Variants in RBBP4 observed in about 807,000 individuals in gnomAD.
RBBP4 encodes histone-binding protein RBBP4.
In RBBP4, 3 loss-of-function variants were observed where a neutral mutation model predicts 57.2. That is an observed-to-expected ratio of 0.05 (90% CI 0.02 to 0.14). The LOEUF (loss-of-function observed/expected upper bound fraction) is 0.14, where lower values mean the gene tolerates loss of function less well. Among genes scored for constraint, RBBP4 ranks in the 10% least tolerant of loss-of-function variants. The pLI, the probability that RBBP4 is intolerant of heterozygous loss-of-function variation, is 1.00. For synonymous variants in RBBP4, 151 were observed against 171.5 expected (o/e 0.88, Z 0.93); for missense variants, 107 against 520.6 (o/e 0.21, Z 7.73).
Position 32,653,637 on chromosome 1 carries a change from G to GTTTTTTTTGTTTTTTTTTTTTTTT in RBBP4, c.164+1584_164+1585insGTTTTTTTTTTTTTTTTTTTTTTT, listed in dbSNP as rs1557849770. 1.1e-3 allele frequency among the ~76,000 whole-genome samples: 23 copies of GTTTTTTTTGTTTTTTTTTTTTTTT among 20,782 alleles called. 6 individuals carry two copies. The highest frequency in any genetic ancestry group is 5.0e-3 in the South Asian group (1 of 200). 13.6% of individuals were successfully genotyped at this position (20,782 alleles called of 152,430 possible). On this transcript the variant is annotated intron_variant, in intron 2 of 11. Coordinates refer to ENST00000373493, the MANE Select transcript of RBBP4 (RefSeq NM_005610.3). ...TGCTTTGTGTGTTTTTTGTTTTCTG[G>GTTTTTTTTGTTTTTTTTTTTTTTT]TTTTTTTTTTTTTTTTTTTTTTGTT...
At chr1:32,663,647 G>A (rs968314744) in intron 3 of RBBP4, among the ~76,000 whole-genome samples, 31 of 151,606 alleles carry the variant, frequency 2.0e-4, no homozygotes, top group African/African-American at 7.5e-4. Context: ...CATGATCTCC[G>A]CTTACTGCAA....
intron 1 of RBBP4, chr1:32,651,667 G>A: frequency 1.4e-6 from 1 of 732,640 alleles, no homozygotes; most frequent in Non-Finnish European, 2.1e-6. Flanking sequence ...GAGTTTCGGC[G>A]CGCACGAGCG....
rs949552440 is a variant in RBBP4, at chr1:32,651,286, C to G, written c.-21C>G. On this transcript the variant is annotated 5_prime_UTR_variant, in exon 1 of 12. Coordinates refer to ENST00000373493, the MANE Select transcript of RBBP4 (RefSeq NM_005610.3). The stretch of plus-strand genomic sequence containing the variant: ...TCCCGCAACGCTCGACCCCAGGATT[C>G]CCCCGGCTCGCCTGCCCGCCATGGC... 8 of 1,488,420 alleles carry G rather than the reference C, an allele frequency of 5.4e-6. No homozygotes were observed. The Admixed American group carries it at 7.3e-5, about 14-fold the overall frequency. The allele number at this position is 1,488,420 out of a possible 1,614,324, so 92.2% of individuals were successfully genotyped here. A position where few individuals can be genotyped will look rare whatever the true frequency, so the allele number is the denominator to read the frequency against.
chr1:32,671,939 T>G (rs1243702999), intron 8 of RBBP4, among the ~76,000 whole-genome samples: 1 of 152,056 alleles, frequency 6.6e-6, no homozygotes, highest in Non-Finnish European at 1.5e-5. Flanking sequence ...GAACAAAAGC[T>G]TATATCCTGG....
At chr1:32,674,249 T>C (rs111445351) in intron 11 of RBBP4, among the ~76,000 whole-genome samples, 1,540 of 152,186 alleles carry the variant, frequency 0.01, 25 homozygotes, top group African/African-American at 0.034. Flanking sequence ...AATTTGGAGG[T>C]GGAAGACAGT....
intron 1 of RBBP4, 67 bp from the exon 2 acceptor site, chr1:32,651,847 T>TTA: frequency 6.6e-7 from 1 of 1,512,610 alleles, no homozygotes; most frequent in Non-Finnish European, 9.0e-7. Flanking sequence ...GTCATGCAGG[T>TTA]GGCTTTGCAG....
Position 32,684,052 on chromosome 1 carries a change from C to T in RBBP4, c.*4347C>T, listed in dbSNP as rs750180835. ...ATTCCACCTGCCTGAGAAGTGGGAGCATCAGCCTGTTCCAGGCTCTTGGGT... is the reference window on the plus strand; with the variant it reads ...ATTCCACCTGCCTGAGAAGTGGGAGTATCAGCCTGTTCCAGGCTCTTGGGT... On this transcript the variant is annotated 3_prime_UTR_variant, in exon 12 of 12. Coordinates refer to ENST00000373493, the MANE Select transcript of RBBP4 (RefSeq NM_005610.3). 5.0e-6 allele frequency: 8 copies of T among 1,614,104 alleles called. No homozygotes were observed. The African/African-American group carries it at 1.1e-4, about 22-fold the overall frequency.
At position 32,681,880 on chromosome 1, in the gene RBBP4, A is replaced by T; in HGVS notation, c.*2175A>T. ...CAGCCCCTGTAAAGTTGAAAGAAAA[A>T]GTTTATAACAGTGAACTTCTGAGGT... is the stretch of plus-strand genomic sequence containing the variant. On this transcript the variant is annotated 3_prime_UTR_variant, in exon 12 of 12. Transcript: ENST00000373493. 1 of 1,608,506 alleles carries T rather than the reference A, an allele frequency of 6.2e-7. No individual in the cohort carries two copies. The highest frequency in any genetic ancestry group is 2.2e-5 in the East Asian group (1 of 44,844).
intron 2 of RBBP4, among the ~76,000 whole-genome samples, chr1:32,655,837 G>A (rs942056666): frequency 3.9e-5 from 6 of 152,182 alleles, no homozygotes; most frequent in South Asian, 4.1e-4. Flanking sequence ...TGGTTGTGTA[G>A]CATCTTTCCC....
chr1:32,652,138 C>T (rs1570821646), intron 2 of RBBP4, 77 bp downstream of exon 2: 2 of 1,486,350 alleles, frequency 1.3e-6, no homozygotes, highest in East Asian at 2.3e-5. Flanking sequence ...TTTTTCCGCT[C>T]TTCAGTCACC....
intron 3 of RBBP4, among the ~76,000 whole-genome samples, chr1:32,659,932 A>G (rs895972368): frequency 2.6e-5 from 4 of 152,210 alleles, no homozygotes; most frequent in African/African-American, 4.8e-5. Flanking sequence ...AAAGGGCAGG[A>G]CCGTTTTTTA....
In RBBP4 at chr1:32,684,333, A is replaced by C. The variant is rs1570894158; in HGVS notation, c.*4628A>C. 1 of 1,614,100 alleles carries C rather than the reference A, an allele frequency of 6.2e-7. No individual in the cohort carries two copies. Among genetic ancestry groups the C allele is most frequent in the Non-Finnish European group, 8.5e-7 (1 of 1,180,018 alleles). On this transcript the variant is annotated 3_prime_UTR_variant, in exon 12 of 12. Coordinates refer to ENST00000373493, the MANE Select transcript of RBBP4 (RefSeq NM_005610.3). ...TTTGTTCTTCTGTTGCTGGAGTTGC[A>C]CCCCATTTCTTAACTGCCTCTGGCG...
chr1:32,655,691 A>G (rs1033005578), intron 2 of RBBP4, among the ~76,000 whole-genome samples: 5 of 152,150 alleles, frequency 3.3e-5, no homozygotes, highest in African/African-American at 1.2e-4. Flanking sequence ...TGTAAATGGA[A>G]TTATTCCTTA....
In RBBP4 at chr1:32,683,119, A is replaced by G. The variant is rs1189076125; in HGVS notation, c.*3414A>G. 6.6e-6 allele frequency: 1 copy of G among 152,060 alleles called. No individual in the cohort carries two copies. Among genetic ancestry groups the G allele is most frequent in the Non-Finnish European group, 1.5e-5 (1 of 68,048 alleles). The allele number at this position is 152,060 out of a possible 1,614,324, so 9.4% of individuals were successfully genotyped here. On this transcript the variant is annotated 3_prime_UTR_variant, in exon 12 of 12. Transcript: ENST00000373493. ...AACATGGTGAAACCCCGTCTCTACT[A>G]AAATACAAAAAAATTAGCCAGGCGT...
At chr1:32,670,692 C>G (rs1019106440) in intron 8 of RBBP4, among the ~76,000 whole-genome samples, 1 of 152,166 alleles carries the variant, frequency 6.6e-6, no homozygotes, top group South Asian at 2.1e-4. Context: ...CCTGCCTCAG[C>G]CTCCCAAAGT....
intron 3 of RBBP4, among the ~76,000 whole-genome samples, chr1:32,665,096 GA>G (rs1477069157): frequency 6.6e-6 from 1 of 152,138 alleles, no homozygotes; most frequent in Non-Finnish European, 1.5e-5. Context: ...ACTTATGTGT[GA>G]CGCACAATAA....
At position 32,669,506 on chromosome 1, in the gene RBBP4, G is replaced by A. The variant is rs973949216; in HGVS notation, c.909G>A (p.Leu303=). ...CATAGACTGTTGCCTTGTGGGATCT[G>A]AGAAATCTGAAACTTAAGTTGCATT... is the stretch of plus-strand genomic sequence containing the variant. The part of the protein sequence containing the change: ...SADKTVALWD[L]RNLKLKLHSF... Residue 303 remains leucine (L), a synonymous_variant, in exon 8 of 12, where the codon CTG becomes CTA. Coordinates refer to ENST00000373493, the MANE Select transcript of RBBP4 (RefSeq NM_005610.3). This position sits in a 1 kb window ranked among gnomAD's most constrained non-coding sequence, Gnocchi z 4.9. 9 of 1,607,570 alleles carry A rather than the reference G, an allele frequency of 5.6e-6. No homozygotes were observed. In the Admixed American group the frequency reaches 1.4e-4, roughly 24 times the overall value.
At chr1:32,664,429 C>T (rs1421304971) in intron 3 of RBBP4, among the ~76,000 whole-genome samples, 1 of 151,984 alleles carries the variant, frequency 6.6e-6, no homozygotes, top group Non-Finnish European at 1.5e-5. Context: ...TGCCTCTTTT[C>T]TGGCAGCTAT....
intron 8 of RBBP4, among the ~76,000 whole-genome samples, chr1:32,671,873 A>T (rs966475988): frequency 1.3e-4 from 19 of 151,968 alleles, no homozygotes; most frequent in Admixed American, 7.9e-4. Context: ...AGCCTGGGTG[A>T]CAGAGCAAGA....
Sources: allele counts gnomAD v4.1 joint callset (sites outside exome capture counted in the v4.1 genomes callset), GRCh38; gene constraint gnomAD v4.1.1; non-coding constraint Gnocchi (gnomAD v3.1); transcripts MANE v1.5; gene names NCBI Gene and HGNC (gene_info 2026-07-23, HGNC 2026-07-21).